Variants in WIPF3 observed in about 807,000 individuals in gnomAD.
The protein encoded by WIPF3 is WAS/WASL interacting protein family member 3, also known as WAS/WASL-interacting protein family member 3.
A neutral mutation model predicts 38.9 loss-of-function variants in WIPF3; 33 were observed. That is an observed-to-expected ratio of 0.85 (90% CI 0.64 to 1.14). WIPF3 has a LOEUF of 1.14. WIPF3 is among the 50% of genes most tolerant of loss of function. The pLI is 0.00. For synonymous variants in WIPF3, 324 were observed against 269.3 expected, an observed-to-expected ratio of 1.20 and a Z score of -1.99; for missense variants, 711 against 652.5, an observed-to-expected ratio of 1.09 and a Z score of -0.98.
chr7:29,845,901 C>T (rs1470056719), intron 2 of WIPF3, among the ~76,000 whole-genome samples: 1 of 152,210 alleles, frequency 6.6e-6, no homozygotes, highest in Admixed American at 6.5e-5. Flanking sequence ...TATGAGCTAA[C>T]CAACCACGAT....
rs754257167 is a variant in WIPF3 at position 29,884,424 on chromosome 7, G to A, written c.930G>A (p.Ala310=). ...ASCSPRASLP[A]PPLPGVNSSS... is the part of the protein sequence containing the mutation. ...GCTCCCCGAGGGCTTCTTTGCCCGC[G>A]CCCCCTTTGCCAGGAGTTAATAGCA... Residue 310 remains alanine, a synonymous_variant, in exon 5 of 9, where the codon GCG becomes GCA. Coordinates refer to ENST00000242140, the MANE Select transcript of WIPF3 (RefSeq NM_001080529.3). 2.8e-5 allele frequency: 41 copies of A among 1,456,226 alleles called. No individual in the cohort carries two copies. Among genetic ancestry groups the A allele is most frequent in the South Asian group, 5.1e-5 (4 of 78,378 alleles). 90.2% of individuals were successfully genotyped at this position (1,456,226 alleles called of 1,614,324 possible).
intron 2 of WIPF3, among the ~76,000 whole-genome samples, chr7:29,860,029 T>C (rs1213348576): frequency 1.3e-5 from 2 of 152,132 alleles, no homozygotes; most frequent in Non-Finnish European, 2.9e-5. Context: ...ATCTGTAGTG[T>C]GTGGGTGGGT....
intron 3 of WIPF3, among the ~76,000 whole-genome samples, chr7:29,876,799 A>G (rs552306339): frequency 1.3e-5 from 2 of 152,354 alleles, no homozygotes; most frequent in East Asian, 3.9e-4. Flanking sequence ...GCTGTCTTCT[A>G]GAATGTGACA....
At position 29,845,471 on chromosome 7, in the gene WIPF3, C is replaced by G. The variant is rs545224990; in HGVS notation, c.90+10657C>G. Among the ~76,000 whole-genome samples, 11 of 152,354 alleles carry G rather than the reference C, an allele frequency of 7.2e-5. No homozygotes were observed. In the South Asian group the frequency reaches 2.3e-3, roughly 32 times the overall value. On this transcript the variant is annotated intron_variant, in intron 2 of 8. Coordinates refer to ENST00000242140, the MANE Select transcript of WIPF3 (RefSeq NM_001080529.3). ...AGAAACCAGGGCATGACATTGGTCACTGCTTGGTCATGAGAAAGATGAGTA... is the reference window on the plus strand; with the variant it reads ...AGAAACCAGGGCATGACATTGGTCAGTGCTTGGTCATGAGAAAGATGAGTA...
chr7:29,823,734 T>G lies in WIPF3; in HGVS notation c.-57-10934T>G, dbSNP rs1784575095. 6.6e-6 allele frequency among the ~76,000 whole-genome samples: 1 copy of G among 152,158 alleles called. No homozygotes were observed. On this transcript the variant is annotated intron_variant, in intron 1 of 8. Coordinates refer to ENST00000242140, the MANE Select transcript of WIPF3 (RefSeq NM_001080529.3). The surrounding 1 kb of genome is among the most constrained non-coding windows in gnomAD (Gnocchi z 4.0). ...GGGCGGTTTCTCATTATTGGTTTAG[T>G]GCCATCCCCTCATCGTTGCTCTTGT...
Position 29,883,970 on chromosome 7 carries a change from A to C in WIPF3, c.476A>C (p.His159Pro), listed in dbSNP as rs753290869. The change falls in exon 5 of 9, where the codon CAT (histidine) becomes CCT (proline). Residue 159 changes from histidine to proline, a missense_variant. Physicochemically the swap from His to Pro is moderately conservative, Grantham distance 77. Transcript: ENST00000242140. ...SPRLGNTSEA[H>P]GAARTAPPRP... The stretch of plus-strand genomic sequence containing the variant: ...AGGCTAGGCAATACCTCCGAGGCGC[A>C]TGGCGCTGCCAGGACAGCCCCGCCT... 20 of 1,545,836 alleles carry C rather than the reference A, an allele frequency of 1.3e-5. No individual in the cohort carries two copies. The highest frequency in any genetic ancestry group is 7.2e-5 in the South Asian group (6 of 83,718).
At position 29,883,543 on chromosome 7, in the gene WIPF3, G is replaced by A. The variant is rs185700774; in HGVS notation, c.356-307G>A. ...TGATTAGGAAGGGCAAAAGACACCCGGGCAGTCCTGGCCCTGGCTGGGATA... is the reference window on the plus strand; with the variant it reads ...TGATTAGGAAGGGCAAAAGACACCCAGGCAGTCCTGGCCCTGGCTGGGATA... On this transcript the variant is annotated intron_variant, in intron 4 of 8. Coordinates refer to ENST00000242140, the MANE Select transcript of WIPF3 (RefSeq NM_001080529.3). Among the ~76,000 whole-genome samples, 159 of 152,284 alleles carry A rather than the reference G, an allele frequency of 1.0e-3. 1 individual carries two copies. The highest frequency in any genetic ancestry group is 1.6e-3 in the Non-Finnish European group (110 of 68,010).
intron 2 of WIPF3, among the ~76,000 whole-genome samples, chr7:29,848,278 T>A (rs1785034500): frequency 2.6e-5 from 4 of 152,192 alleles, no homozygotes; most frequent in Admixed American, 2.6e-4. Context: ...AGATGGCAGC[T>A]CCATTCAAAC....
rs948562221 is a variant in WIPF3 at position 29,915,085 on chromosome 7, T to A, written c.*569T>A. The A allele has an allele frequency of 7.1e-6, 1 of 140,250 alleles. No individual in the cohort carries two copies. The highest frequency in any genetic ancestry group is 1.5e-5 in the Non-Finnish European group (1 of 64,832). The allele number at this position is 140,250 out of a possible 1,614,324, so 8.7% of individuals were successfully genotyped here. ...ATTTTGCAGTACAGGGAATTTTTTT[T>A]TTTTTTTTTTTTTTTTTTTTTGCTG... is the stretch of plus-strand genomic sequence containing the variant. On this transcript the variant is annotated 3_prime_UTR_variant, in exon 9 of 9. Coordinates refer to ENST00000242140, the MANE Select transcript of WIPF3 (RefSeq NM_001080529.3).
chr7:29,863,568 A>C (rs192220937), intron 2 of WIPF3, among the ~76,000 whole-genome samples: 1 of 152,312 alleles, frequency 6.6e-6, no homozygotes, highest in Admixed American at 6.5e-5. Context: ...TTGCCTTTCC[A>C]TATAAATTTT....
At chr7:29,914,442 G>T in intron 8 of WIPF3, 51 bp from the exon 9 acceptor site, 3 of 1,426,476 alleles carry the variant, frequency 2.1e-6, no homozygotes, top group Non-Finnish European at 2.8e-6. Flanking sequence ...AGGCTTTCAT[G>T]TGCAAGAGTC....
chr7:29,904,434 A>G, intron 8 of WIPF3, 72 bp downstream of exon 8: 1 of 1,487,766 alleles, frequency 6.7e-7, no homozygotes, highest in South Asian at 1.1e-5. Flanking sequence ...TGGTAAGGGT[A>G]TGCTTTCTCC....
chr7:29,870,516 A>G (rs1785475727), intron 2 of WIPF3, among the ~76,000 whole-genome samples: 1 of 152,168 alleles, frequency 6.6e-6, no homozygotes, highest in Non-Finnish European at 1.5e-5. Context: ...GTATGAGGTG[A>G]CCTTTACATC....
intron 2 of WIPF3, among the ~76,000 whole-genome samples, chr7:29,853,878 C>G (rs955128452): frequency 6.6e-6 from 1 of 152,194 alleles, no homozygotes; most frequent in African/African-American, 2.4e-5. Flanking sequence ...TGCTCTTTTT[C>G]CTTCTACTAC....
intron 1 of WIPF3, among the ~76,000 whole-genome samples, chr7:29,833,999 A>G (rs528326372): frequency 6.6e-6 from 1 of 152,334 alleles, no homozygotes; most frequent in East Asian, 1.9e-4. Flanking sequence ...ACAGAATCAT[A>G]TTGGCAGAAT....
chr7:29,861,988 G>C (rs1413667680), intron 2 of WIPF3, among the ~76,000 whole-genome samples: 1 of 152,212 alleles, frequency 6.6e-6, no homozygotes, highest in African/African-American at 2.4e-5. Context: ...GCAGAAGAGG[G>C]ACTGATGGCA....
At chr7:29,850,788 A>G (rs549408093) in intron 2 of WIPF3, among the ~76,000 whole-genome samples, 1 of 152,086 alleles carries the variant, frequency 6.6e-6, no homozygotes, top group Admixed American at 6.5e-5. Context: ...CACCTTCCCC[A>G]TGTGTTGGAG....
At position 29,826,783 on chromosome 7, in the gene WIPF3, G is replaced by C. The variant is rs538696530; in HGVS notation, c.-57-7885G>C. The stretch of plus-strand genomic sequence containing the variant: ...ATGTTAAATAAATGTGAGTTTAGGA[G>C]GTATGCGGCTGTCACAAAAACCACG... On this transcript the variant is annotated intron_variant, in intron 1 of 8. Transcript: ENST00000242140. 2.6e-4 allele frequency among the ~76,000 whole-genome samples: 39 copies of C among 152,284 alleles called. 1 individual carries two copies. The South Asian group carries it at 7.9e-3, about 31-fold the overall frequency.
At chr7:29,883,047 G>A (rs1785755668) in intron 4 of WIPF3, among the ~76,000 whole-genome samples, 1 of 152,220 alleles carries the variant, frequency 6.6e-6, no homozygotes, top group Non-Finnish European at 1.5e-5. Context: ...GGAGTATAGA[G>A]GCCCCTCCTG....
Sources: allele counts gnomAD v4.1 joint callset (sites outside exome capture counted in the v4.1 genomes callset), GRCh38; gene constraint gnomAD v4.1.1; non-coding constraint Gnocchi (gnomAD v3.1); transcripts MANE v1.5; gene names NCBI Gene and HGNC (gene_info 2026-07-23, HGNC 2026-07-21).